The following CSMD3 variants were observed in gnomAD, a reference collection of about 807,000 sequenced individuals.
The protein encoded by CSMD3 is CUB and sushi domain-containing protein 3.
In CSMD3, 177 loss-of-function variants were observed where a neutral mutation model predicts 435.2. The ratio of observed to expected loss-of-function variants is 0.41; its 90% confidence interval spans 0.36 to 0.46. The LOEUF is 0.46. Ranked by LOEUF, CSMD3 falls within the 20% of genes least tolerant of loss-of-function variation. The probability of loss-of-function intolerance (pLI) is 0.34; values close to 1 mark genes in which losing one functional copy is unlikely to be tolerated. For missense variants in CSMD3, 4,265 were observed against 4,504.6 expected, an observed-to-expected ratio of 0.95 and a Z score of 1.52; for synonymous variants, 1,656 against 1,520.5, an observed-to-expected ratio of 1.09 and a Z score of -2.07.
intron 27 of CSMD3, among the ~76,000 whole-genome samples, chr8:112,526,915 A>G (rs1203700349): frequency 6.6e-6 from 1 of 151,974 alleles, no homozygotes; most frequent in African/African-American, 2.4e-5. Context: ...TCTATTTGAC[A>G]TAATGACAGG....
intron 5 of CSMD3, among the ~76,000 whole-genome samples, chr8:113,095,542 T>G (rs1269185361): frequency 6.6e-6 from 1 of 152,174 alleles, no homozygotes; most frequent in Non-Finnish European, 1.5e-5. Context: ...TCATTCACAT[T>G]TGACAACTGG....
chr8:112,492,693 A>G lies in CSMD3; in HGVS notation c.5084-10T>C. 2.5e-6 allele frequency: 4 copies of G among 1,609,698 alleles called. No individual in the cohort carries two copies. The highest frequency in any genetic ancestry group is 3.4e-6 in the Non-Finnish European group (4 of 1,176,026). On this transcript the variant is annotated splice_polypyrimidine_tract_variant and intron_variant, in intron 30 of 70. Transcript: ENST00000297405. ...GACTCTCGCAGTTTTGCTGTAAAACAGTGTTAGTATAACATTAATTGCTTT... is the reference window on the plus strand; with the variant it reads ...GACTCTCGCAGTTTTGCTGTAAAACGGTGTTAGTATAACATTAATTGCTTT...
chr8:113,033,680 G>A (rs546344383), intron 5 of CSMD3, among the ~76,000 whole-genome samples: 8 of 151,132 alleles, frequency 5.3e-5, no homozygotes, highest in East Asian at 1.9e-4. Context: ...GGATTTTTGG[G>A]TTAATGCTGG....
At position 113,098,847 on chromosome 8, in the gene CSMD3, C is replaced by A. The variant is rs1370900756; in HGVS notation, c.826G>T (p.Gly276Trp). The change falls in exon 5 of 71, where the codon GGG becomes TGG. Residue 276 changes from glycine to tryptophan, a missense_variant. By Grantham distance (184) the Gly-to-Trp change is radical (BLOSUM62 -2). Coordinates refer to ENST00000297405, the MANE Select transcript of CSMD3 (RefSeq NM_198123.2). Reference sequence around the variant, plus strand: ...GTAAATATGAGTGAAATTGTGTCCCCAGGCTCTGCTACAATGGTCCAAGTG... The same window carrying A: ...GTAAATATGAGTGAAATTGTGTCCCAAGGCTCTGCTACAATGGTCCAAGTG... ...DCTWTIVAEP[G>W]DTISLIFTDF... 3.1e-6 allele frequency: 5 copies of A among 1,612,486 alleles called. No individual in the cohort carries two copies. Among genetic ancestry groups the A allele is most frequent in the Non-Finnish European group, 4.2e-6 (5 of 1,178,928 alleles).
intron 10 of CSMD3, among the ~76,000 whole-genome samples, chr8:112,865,692 ACAC>A: frequency 9.0e-6 from 1 of 110,630 alleles, no homozygotes; most frequent in Non-Finnish European, 2.2e-5. Flanking sequence ...TACCCCACAC[ACAC>A]ACACACACAC....
At chr8:112,376,620 A>T (rs999345554) in intron 38 of CSMD3, among the ~76,000 whole-genome samples, 2 of 152,112 alleles carry the variant, frequency 1.3e-5, no homozygotes, top group Non-Finnish European at 2.9e-5. Context: ...TGGGAAGCAG[A>T]AGCCAGCACA....
At chr8:112,628,707 A>G (rs4540433) in intron 22 of CSMD3, among the ~76,000 whole-genome samples, 73,141 of 151,952 alleles carry the variant, frequency 0.48, 18,180 homozygotes, top group African/African-American at 0.58. Context: ...ACTGTTGTAG[A>G]TAAAAAGGCA....
chr8:112,771,680 A>T (rs533531709), intron 13 of CSMD3, among the ~76,000 whole-genome samples: 1 of 152,224 alleles, frequency 6.6e-6, no homozygotes, highest in South Asian at 2.1e-4. Context: ...TAAGAACCAC[A>T]ACAAAAAAAT....
At chr8:113,357,899 C>T (rs1290956620) in intron 1 of CSMD3, among the ~76,000 whole-genome samples, 1 of 152,136 alleles carries the variant, frequency 6.6e-6, no homozygotes, top group Non-Finnish European at 1.5e-5. Flanking sequence ...ACTGAGGCCT[C>T]CCCAGCCTTG....
At chr8:113,122,974 C>T (rs541712621) in intron 4 of CSMD3, among the ~76,000 whole-genome samples, 5 of 150,140 alleles carry the variant, frequency 3.3e-5, no homozygotes, top group South Asian at 2.1e-4. Context: ...GTCCTTTAAA[C>T]GTCATTGGCC....
At position 113,308,258 on chromosome 8, in the gene CSMD3, C is replaced by CTTTTTTTTTTTT. The variant is rs11440584; in HGVS notation, c.401+6301_401+6312dup. 3.8e-4 allele frequency among the ~76,000 whole-genome samples: 25 copies of CTTTTTTTTTTTT among 64,966 alleles called. 6 individuals are homozygous for CTTTTTTTTTTTT. Among genetic ancestry groups the CTTTTTTTTTTTT allele is most frequent in the African/African-American group, 1.3e-3 (22 of 16,336 alleles). 42.6% of individuals were successfully genotyped at this position (64,966 alleles called of 152,430 possible). ...TAAATATCCAGTAAATCATTTAAGT[C>CTTTTTTTTTTTT]TTTTTTTTTTTTTTTTTTTTTTTTT... On this transcript the variant is annotated intron_variant, in intron 2 of 70. Coordinates refer to ENST00000297405, the MANE Select transcript of CSMD3 (RefSeq NM_198123.2).
In CSMD3 at chr8:113,220,965, A is replaced by G. The variant is rs7833784; in HGVS notation, c.515-47049T>C. The stretch of plus-strand genomic sequence containing the variant: ...AACAACAGACAAACCCCAAATAATA[A>G]AAGTTATATTCTTTTAAAAGAGCAA... On this transcript the variant is annotated intron_variant, in intron 3 of 70. Coordinates refer to ENST00000297405, the MANE Select transcript of CSMD3 (RefSeq NM_198123.2). Among the ~76,000 whole-genome samples the G allele has an allele frequency of 3.0e-3, 460 of 151,466 alleles. 2 individuals carry two copies. Among genetic ancestry groups the G allele is most frequent in the African/African-American group, 9.4e-3 (388 of 41,468 alleles).
At chr8:113,011,760 T>C (rs1483897631) in intron 6 of CSMD3, among the ~76,000 whole-genome samples, 1 of 151,814 alleles carries the variant, frequency 6.6e-6, no homozygotes, top group Admixed American at 6.6e-5. Flanking sequence ...CTGTAAAATA[T>C]TCATTTGTAT....
intron 13 of CSMD3, among the ~76,000 whole-genome samples, chr8:112,759,681 T>C (rs912833057): frequency 4.6e-5 from 7 of 152,290 alleles, no homozygotes; most frequent in Non-Finnish European, 1.5e-5. Context: ...CATATGCTAT[T>C]CAATTTGGAA....
Position 112,223,447 on chromosome 8 carries a change from A to T in CSMD3, c.*1324T>A, listed in dbSNP as rs1226681134. Reference sequence around the variant, plus strand: ...ATGATCGTATTCAATGAAGTAAAACAGCTATAAAAGGAAGACGATGACCTA... The same window carrying T: ...ATGATCGTATTCAATGAAGTAAAACTGCTATAAAAGGAAGACGATGACCTA... On this transcript the variant is annotated 3_prime_UTR_variant, in exon 71 of 71. Transcript: ENST00000297405. 1 of 86,930 alleles carries T rather than the reference A, an allele frequency of 1.2e-5. No individual in the cohort carries two copies. The highest frequency in any genetic ancestry group is 1.9e-5 in the Non-Finnish European group (1 of 53,558). The allele number at this position is 86,930 out of a possible 1,614,324, so 5.4% of individuals were successfully genotyped here.
At chr8:113,107,890 T>A (rs1316840412) in intron 4 of CSMD3, among the ~76,000 whole-genome samples, 1 of 152,316 alleles carries the variant, frequency 6.6e-6, no homozygotes, top group South Asian at 2.1e-4. Flanking sequence ...AAAACTACTA[T>A]ACCTACATAT....
intron 10 of CSMD3, among the ~76,000 whole-genome samples, chr8:112,868,670 G>C (rs928801020): frequency 6.6e-6 from 1 of 152,086 alleles, no homozygotes; most frequent in Non-Finnish European, 1.5e-5. Flanking sequence ...CAGACAGATA[G>C]ATAATGAAAC....
At chr8:113,013,748 C>T (rs1288381514) in intron 6 of CSMD3, among the ~76,000 whole-genome samples, 3 of 151,970 alleles carry the variant, frequency 2.0e-5, no homozygotes, top group Non-Finnish European at 4.4e-5. Flanking sequence ...GCCTGGGGAG[C>T]GAGTCCATTG....
chr8:112,595,276 T>C (rs1203530339), intron 22 of CSMD3, among the ~76,000 whole-genome samples: 2 of 151,782 alleles, frequency 1.3e-5, no homozygotes, highest in Admixed American at 6.5e-5. Context: ...CAATGGAAGA[T>C]GAAACGAATG....
Sources: allele counts gnomAD v4.1 joint callset (sites outside exome capture counted in the v4.1 genomes callset), GRCh38; gene constraint gnomAD v4.1.1; transcripts MANE v1.5; gene names NCBI Gene and HGNC (gene_info 2026-07-23, HGNC 2026-07-21).